The following NFIX variants were observed in gnomAD, a reference collection of about 807,000 sequenced individuals.
The protein encoded by NFIX is nuclear factor I X, also known as nuclear factor 1 X-type.
Under a neutral mutation model 53.3 loss-of-function variants are expected in NFIX, and 2 were observed. The ratio of observed to expected loss-of-function variants is 0.04; its 90% CI spans 0.02 to 0.12. The LOEUF is 0.12. NFIX is among the 10% of genes least tolerant of loss of function. The pLI is 1.00. For synonymous variants in NFIX, 244 were observed against 289.0 expected, an observed-to-expected ratio of 0.84 and a Z score of 1.58; for missense variants, 310 against 674.5, an observed-to-expected ratio of 0.46 and a Z score of 5.99.
Position 13,067,137 on chromosome 19 carries a change from C to A in NFIX, c.560-5910C>A, listed in dbSNP as rs1000156911. On this transcript the variant is annotated intron_variant, in intron 2 of 10. Coordinates refer to ENST00000592199, the MANE Select transcript of NFIX (RefSeq NM_001365902.3). This position sits in a 1 kb window ranked among gnomAD's most constrained non-coding sequence, Gnocchi z 4.2. ...GGACGCTCCAGAATCTCAGAGGAAG[C>A]GGGAGAGAAGTAGGAGGCGGGTGCA... 6.6e-6 allele frequency among the ~76,000 whole-genome samples: 1 copy of A among 152,162 alleles called. No homozygotes were observed. Among genetic ancestry groups the A allele is most frequent in the Non-Finnish European group, 1.5e-5 (1 of 68,032 alleles).
chr19:13,044,964 G>A (rs942490554), intron 2 of NFIX, among the ~76,000 whole-genome samples: 7 of 152,168 alleles, frequency 4.6e-5, no homozygotes, highest in African/African-American at 1.7e-4. Flanking sequence ...GGGGTGAGGA[G>A]TGGGCTAAGG....
At chr19:13,007,132 C>T (rs1249920945) in intron 1 of NFIX, among the ~76,000 whole-genome samples, 3 of 152,150 alleles carry the variant, frequency 2.0e-5, no homozygotes, top group African/African-American at 4.8e-5. Context: ...CTCCCCCTCT[C>T]GCCTGCTTGC....
intron 1 of NFIX, among the ~76,000 whole-genome samples, chr19:13,017,612 C>T (rs1371347363): frequency 6.6e-6 from 1 of 152,108 alleles, no homozygotes; most frequent in Non-Finnish European, 1.5e-5. Context: ...ACTGGGAAGA[C>T]CTCTGCCTTT....
intron 1 of NFIX, among the ~76,000 whole-genome samples, chr19:13,007,896 C>G (rs146574056): frequency 0.028 from 4,206 of 152,274 alleles, 70 homozygotes; most frequent in Middle Eastern, 0.085. Flanking sequence ...ACCACTCCCC[C>G]CTCTGTGGCA....
At chr19:13,059,666 G>A (rs2015929907) in intron 2 of NFIX, among the ~76,000 whole-genome samples, 2 of 151,926 alleles carry the variant, frequency 1.3e-5, no homozygotes, top group Admixed American at 6.5e-5. Context: ...GAACCCTACT[G>A]GAGTGGCCAG....
At position 13,081,319 on chromosome 19, in the gene NFIX, C is replaced by T. The variant is rs891488448; in HGVS notation, c.1079-361C>T. 7.2e-5 allele frequency among the ~76,000 whole-genome samples: 11 copies of T among 152,048 alleles called. No individual in the cohort carries two copies. Among genetic ancestry groups the T allele is most frequent in the Non-Finnish European group, 1.0e-4 (7 of 68,014 alleles). ...ACCCTGTCTCAAATAATAATAATAA[C>T]ACTTTTTTAAAAAGCCAAATAAAAT... On this transcript the variant is annotated intron_variant, in intron 7 of 10. Coordinates refer to ENST00000592199, the MANE Select transcript of NFIX (RefSeq NM_001365902.3). This position sits in a 1 kb window ranked among gnomAD's most constrained non-coding sequence, Gnocchi z 4.7.
Position 13,073,120 on chromosome 19 carries a change from C to T in NFIX, c.622+11C>T, listed in dbSNP as rs779511470. 2 of 1,613,638 alleles carry T rather than the reference C, an allele frequency of 1.2e-6. No individual in the cohort carries two copies. The highest frequency in any genetic ancestry group is 3.3e-5 in the Admixed American group (2 of 60,028). ...AACCACTGCCCAACGGTCAGTGCCC[C>T]CCACCTGCCCAGCTGCCCTTATCCT... On this transcript the variant is annotated intron_variant, in intron 3 of 10. Transcript: ENST00000592199. This position sits in a 1 kb window ranked among gnomAD's most constrained non-coding sequence, Gnocchi z 4.5.
In NFIX at chr19:13,014,931, C is replaced by T. The variant is rs1223378808; in HGVS notation, c.28-10090C>T. On this transcript the variant is annotated intron_variant, in intron 1 of 10. Transcript: ENST00000592199. This position sits in a 1 kb window ranked among gnomAD's most constrained non-coding sequence, Gnocchi z 4.4. Reference sequence around the variant, plus strand: ...CCCTTCCGCCAGGTGTGGGGTAGACCGCTTAGAAGGGAAAGGGGATCCTGA... The same window carrying T: ...CCCTTCCGCCAGGTGTGGGGTAGACTGCTTAGAAGGGAAAGGGGATCCTGA... 6.6e-6 allele frequency among the ~76,000 whole-genome samples: 1 copy of T among 152,094 alleles called. No individual in the cohort carries two copies. The highest frequency in any genetic ancestry group is 1.5e-5 in the Non-Finnish European group (1 of 68,018).
At position 13,020,883 on chromosome 19, in the gene NFIX, T is replaced by A. The variant is rs2012928977; in HGVS notation, c.28-4138T>A. ...CTGTGGGACTGTTGCTGCCCCCACC[T>A]CTATCCCTGACCCAGTTGTACCACC... is the stretch of plus-strand genomic sequence containing the variant. On this transcript the variant is annotated intron_variant, in intron 1 of 10. Coordinates refer to ENST00000592199, the MANE Select transcript of NFIX (RefSeq NM_001365902.3). Among the ~76,000 whole-genome samples the A allele has an allele frequency of 2.0e-5, 3 of 152,114 alleles. No individual in the cohort carries two copies. In the South Asian group the frequency reaches 6.2e-4, roughly 32 times the overall value.
chr19:12,995,878 CCCCCGCGCGACCGGG>C lies in NFIX; in HGVS notation c.27+15_27+29del. ...TGCCTCACCCAGGTACCGGCCGCCG[CCCCCGCGCGACCGGG>C]GGAGGGGAGCGGGCGCGGGAGGCCG... On this transcript the variant is annotated intron_variant, in intron 1 of 10. Transcript: ENST00000592199. 1 of 979,002 alleles carries C rather than the reference CCCCCGCGCGACCGGG, an allele frequency of 1.0e-6. No individual in the cohort carries two copies. Among genetic ancestry groups the C allele is most frequent in the Non-Finnish European group, 1.2e-6 (1 of 826,706 alleles). 60.6% of individuals were successfully genotyped at this position (979,002 alleles called of 1,614,324 possible). A position where few individuals can be genotyped will look rare whatever the true frequency, so the allele number is the denominator to read the frequency against.
chr19:13,065,164 G>T (rs1319660802), intron 2 of NFIX, among the ~76,000 whole-genome samples: 1 of 152,066 alleles, frequency 6.6e-6, no homozygotes, highest in Non-Finnish European at 1.5e-5. Flanking sequence ...CCCAGGATAG[G>T]GTATCCACAG....
Position 13,051,545 on chromosome 19 carries a change from C to T in NFIX, c.560-21502C>T, listed in dbSNP as rs1378010851. ...TCAGCCAGTGACATCTCCCCCGTAC[C>T]CAGGCCAGTGAGCCAGATTTTTTTC... On this transcript the variant is annotated intron_variant, in intron 2 of 10. Coordinates refer to ENST00000592199, the MANE Select transcript of NFIX (RefSeq NM_001365902.3). This position sits in a 1 kb window ranked among gnomAD's most constrained non-coding sequence, Gnocchi z 5.1. Among the ~76,000 whole-genome samples, 1 of 152,176 alleles carries T rather than the reference C, an allele frequency of 6.6e-6. No homozygotes were observed. Among genetic ancestry groups the T allele is most frequent in the African/African-American group, 2.4e-5 (1 of 41,430 alleles).
At chr19:13,030,354 G>A (rs1599748365) in intron 2 of NFIX, among the ~76,000 whole-genome samples, 1 of 152,206 alleles carries the variant, frequency 6.6e-6, no homozygotes, top group African/African-American at 2.4e-5. Flanking sequence ...CAGCTAATAT[G>A]TAAAGATACC....
rs1360956421 is a variant in NFIX, at chr19:13,078,783, GTATC to G, written c.1078+51_1078+54del. The G allele has an allele frequency of 6.4e-7, 1 of 1,562,934 alleles. No individual in the cohort carries two copies. The highest frequency in any genetic ancestry group is 8.7e-7 in the Non-Finnish European group (1 of 1,152,198). On this transcript the variant is annotated intron_variant, in intron 7 of 10. Transcript: ENST00000592199. The surrounding 1 kb of genome is among the most constrained non-coding windows in gnomAD (Gnocchi z 4.7). ...GGGGGGCAGTTGGGGAGGTGGCTGA[GTATC>G]TAGGGGCAGCTGGCCAGGTGAAGGG...
At position 13,090,516 on chromosome 19, in the gene NFIX, G is replaced by GGCTGGA; in HGVS notation, c.1494+128_1494+133dup. 1 of 923,452 alleles carries GGCTGGA rather than the reference G, an allele frequency of 1.1e-6. No individual in the cohort carries two copies. Among genetic ancestry groups the GGCTGGA allele is most frequent in the South Asian group, 1.3e-5 (1 of 74,744 alleles). The allele number at this position is 923,452 out of a possible 1,614,324, so 57.2% of individuals were successfully genotyped here. On this transcript the variant is annotated intron_variant, in intron 10 of 10. Coordinates refer to ENST00000592199, the MANE Select transcript of NFIX (RefSeq NM_001365902.3). The surrounding 1 kb of genome is among the most constrained non-coding windows in gnomAD (Gnocchi z 6.6). The stretch of plus-strand genomic sequence containing the variant: ...ACAGGGAGAGAGAGGTCTGAGGTGG[G>GGCTGGA]GCTGGAGGGCCCAGGCTTTTGCACG...
At position 13,002,281 on chromosome 19, in the gene NFIX, C is replaced by T. The variant is rs890225736; in HGVS notation, c.27+6417C>T. Among the ~76,000 whole-genome samples the T allele has an allele frequency of 2.0e-5, 3 of 151,924 alleles. No homozygotes were observed. Among genetic ancestry groups the T allele is most frequent in the African/African-American group, 4.8e-5 (2 of 41,332 alleles). On this transcript the variant is annotated intron_variant, in intron 1 of 10. Transcript: ENST00000592199. This position sits in a 1 kb window ranked among gnomAD's most constrained non-coding sequence, Gnocchi z 6.1. Reference sequence around the variant, plus strand: ...TCCCTCTCTCTCTCCTCCTGCCAAACGCGTCTTGGCTCCGTCTGAATATCT... The same window carrying T: ...TCCCTCTCTCTCTCCTCCTGCCAAATGCGTCTTGGCTCCGTCTGAATATCT...
rs373649561 is a variant in NFIX at position 13,009,928 on chromosome 19, TCAAAC to T, written c.27+14068_27+14072del. ...TCAAAGGCAGAGAAGTCTCAGGACT[TCAAAC>T]CAACAGCCTAACCCTGTCCACACAG... On this transcript the variant is annotated intron_variant, in intron 1 of 10. Transcript: ENST00000592199. The surrounding 1 kb of genome is among the most constrained non-coding windows in gnomAD (Gnocchi z 4.7). Among the ~76,000 whole-genome samples the T allele has an allele frequency of 2.8e-4, 43 of 152,118 alleles. No homozygotes were observed. Among genetic ancestry groups the T allele is most frequent in the South Asian group, 1.5e-3 (7 of 4,820 alleles).
intron 1 of NFIX, among the ~76,000 whole-genome samples, chr19:13,018,629 C>G (rs2012798634): frequency 6.6e-6 from 1 of 152,234 alleles, no homozygotes; most frequent in African/African-American, 2.4e-5. Flanking sequence ...AGAGCCCCTT[C>G]TCGTTGGCCC....
intron 2 of NFIX, among the ~76,000 whole-genome samples, chr19:13,026,937 C>G (rs2013413734): frequency 6.6e-6 from 1 of 152,178 alleles, no homozygotes. Flanking sequence ...AAAAGTGATT[C>G]ACAATGGCTG....
Sources: allele counts gnomAD v4.1 joint callset (sites outside exome capture counted in the v4.1 genomes callset), GRCh38; gene constraint gnomAD v4.1.1; non-coding constraint Gnocchi (gnomAD v3.1); transcripts MANE v1.5; gene names NCBI Gene and HGNC (gene_info 2026-07-23, HGNC 2026-07-21).